GALM: variants seen among roughly 807,000 people sequenced by gnomAD.
GALM encodes aldose 1-epimerase.
In GALM, 43 loss-of-function variants were observed where a neutral mutation model predicts 37.4. The ratio of observed to expected loss-of-function variants is 1.15; its 90% CI spans 0.90 to 1.48. The LOEUF is 1.48. GALM is among the 40% of genes most tolerant of loss of function. The probability of loss-of-function intolerance (pLI) is 0.00; values close to 1 mark genes in which losing one functional copy is unlikely to be tolerated. For missense variants in GALM, 456 were observed against 419.1 expected, an observed-to-expected ratio of 1.09 and a Z score of -0.77; for synonymous variants, 199 against 170.6, an observed-to-expected ratio of 1.17 and a Z score of -1.30.
intron 1 of GALM, among the ~76,000 whole-genome samples, chr2:38,675,620 A>G (rs1271649326): frequency 2.2e-5 from 3 of 138,760 alleles, no homozygotes; most frequent in Non-Finnish European, 4.6e-5. Context: ...CCAGGCTGGA[A>G]TGCAGTGGCG....
chr2:38,698,889 G>T (rs1163187595), intron 4 of GALM, among the ~76,000 whole-genome samples: 6 of 152,150 alleles, frequency 3.9e-5, no homozygotes, highest in Admixed American at 2.6e-4. Context: ...GGGATTACAG[G>T]CATGAGCCAC....
At chr2:38,729,456 T>C in intron 4 of GALM, 100 bp from the exon 5 acceptor site, 3 of 986,854 alleles carry the variant, frequency 3.0e-6, no homozygotes, top group Non-Finnish European at 4.3e-6. Flanking sequence ...CAAATTAAAA[T>C]GAAGGCGGAG....
At chr2:38,673,136 T>C (rs1665157334) in intron 1 of GALM, among the ~76,000 whole-genome samples, 1 of 152,178 alleles carries the variant, frequency 6.6e-6, no homozygotes, top group Admixed American at 6.5e-5. Context: ...AATGTTTAAT[T>C]TGTACCCAAC....
intron 4 of GALM, among the ~76,000 whole-genome samples, chr2:38,702,140 G>A (rs956807762): frequency 9.9e-5 from 15 of 151,638 alleles, no homozygotes; most frequent in Non-Finnish European, 2.1e-4. Context: ...TGGGATCAAT[G>A]AATGAATGAT....
intron 4 of GALM, among the ~76,000 whole-genome samples, chr2:38,709,126 G>A (rs569496500): frequency 1.3e-5 from 2 of 151,128 alleles, no homozygotes; most frequent in Non-Finnish European, 2.9e-5. Context: ...GCCTAGACAG[G>A]TAGGCAGTGA....
intron 2 of GALM, 109 bp downstream of exon 2, chr2:38,676,175 A>G (rs1665256669): frequency 1.8e-6 from 2 of 1,086,766 alleles, no homozygotes; most frequent in Non-Finnish European, 2.7e-6. Context: ...GAGATGCAGG[A>G]AAGAGGCCCC....
chr2:38,720,731 G>A (rs1666359708), intron 4 of GALM, among the ~76,000 whole-genome samples: 1 of 152,184 alleles, frequency 6.6e-6, no homozygotes, highest in African/African-American at 2.4e-5. Context: ...TCACATGTCT[G>A]GCAGTTGATG....
intron 3 of GALM, among the ~76,000 whole-genome samples, chr2:38,683,044 C>T (rs960032776): frequency 1.1e-4 from 16 of 152,032 alleles, no homozygotes; most frequent in Admixed American, 4.6e-4. Flanking sequence ...GTAAAAAACT[C>T]GGTGATAATT....
chr2:38,720,783 A>G (rs1435671128), intron 4 of GALM, among the ~76,000 whole-genome samples: 1 of 152,192 alleles, frequency 6.6e-6, no homozygotes, highest in Non-Finnish European at 1.5e-5. Context: ...GTCAGCCAGA[A>G]CAGCCCACAC....
At position 38,676,060 on chromosome 2, in the gene GALM, T is replaced by C; in HGVS notation, c.339T>C (p.Phe113=). 6.2e-7 allele frequency: 1 copy of C among 1,613,938 alleles called. No individual in the cohort carries two copies. Among genetic ancestry groups the C allele is most frequent in the Non-Finnish European group, 8.5e-7 (1 of 1,179,958 alleles). ...GTCTGCATGGAGGAGTCAGAGGGTT[T>C]GATAAAGTAAGTACGGCACATGTGA... ...PNSLHGGVRG[F]DKVLWTPRVL... Residue 113 remains phenylalanine (F), a synonymous_variant, in exon 2 of 7, where the codon TTT becomes TTC. Transcript: ENST00000272252.
chr2:38,674,128 A>G (rs184859608), intron 1 of GALM, among the ~76,000 whole-genome samples: 108 of 151,904 alleles, frequency 7.1e-4, no homozygotes, highest in African/African-American at 2.6e-3. Context: ...TTAGGTTGCT[A>G]GACTTCACAA....
At chr2:38,718,025 G>C (rs145814275) in intron 4 of GALM, among the ~76,000 whole-genome samples, 1 of 149,728 alleles carries the variant, frequency 6.7e-6, no homozygotes, top group Non-Finnish European at 1.5e-5. Flanking sequence ...TTGCAGAGAC[G>C]GGGATCCTGC....
intron 1 of GALM, among the ~76,000 whole-genome samples, chr2:38,667,435 T>C (rs1003473143): frequency 6.6e-6 from 1 of 151,422 alleles, no homozygotes; most frequent in African/African-American, 2.4e-5. Context: ...CTGAGCATGG[T>C]GGCACGTGCC....
chr2:38,704,178 A>G (rs1665988826), intron 4 of GALM, among the ~76,000 whole-genome samples: 1 of 150,942 alleles, frequency 6.6e-6, no homozygotes, highest in Non-Finnish European at 1.5e-5. Flanking sequence ...TTGCCCTACT[A>G]TGTATTCTCT....
At chr2:38,675,561 G>T (rs866246105) in intron 1 of GALM, among the ~76,000 whole-genome samples, 22 of 100,092 alleles carry the variant, frequency 2.2e-4, no homozygotes, top group African/African-American at 7.8e-4. Context: ...GTGTGTGTGT[G>T]TGTGTGTGTG....
intron 4 of GALM, among the ~76,000 whole-genome samples, chr2:38,725,285 A>G (rs1449889290): frequency 6.6e-6 from 1 of 152,148 alleles, no homozygotes; most frequent in South Asian, 2.1e-4. Flanking sequence ...TTGTAAACCC[A>G]GTACTTTGGG....
At chr2:38,686,154 G>A (rs1310394525) in intron 3 of GALM, among the ~76,000 whole-genome samples, 1 of 150,520 alleles carries the variant, frequency 6.6e-6, no homozygotes, top group Non-Finnish European at 1.5e-5. Flanking sequence ...CAGTTTATTT[G>A]GAGTGTGATT....
intron 3 of GALM, among the ~76,000 whole-genome samples, chr2:38,687,410 G>A (rs1170699844): frequency 6.6e-6 from 1 of 152,054 alleles, no homozygotes; most frequent in Non-Finnish European, 1.5e-5. Flanking sequence ...GAGAAAACAA[G>A]AGCATCATAG....
intron 1 of GALM, among the ~76,000 whole-genome samples, chr2:38,675,197 A>T (rs1665213741): frequency 6.6e-6 from 1 of 152,182 alleles, no homozygotes; most frequent in Non-Finnish European, 1.5e-5. Context: ...CACAACAAAT[A>T]GTTTTATAAA....
Sources: allele counts gnomAD v4.1 joint callset (sites outside exome capture counted in the v4.1 genomes callset), GRCh38; gene constraint gnomAD v4.1.1; transcripts MANE v1.5; gene names NCBI Gene and HGNC (gene_info 2026-07-23, HGNC 2026-07-21).